Variants in TTC7B observed in about 807,000 individuals in gnomAD.
The protein encoded by TTC7B is tetratricopeptide repeat domain 7B.
Under a neutral mutation model 106.8 loss-of-function variants are expected in TTC7B, and 28 were observed. The observed-to-expected ratio is 0.26, with a 90% confidence interval of 0.19 to 0.36. The LOEUF (loss-of-function observed/expected upper bound fraction) is 0.36. Ranked by LOEUF, TTC7B falls within the 10% of genes least tolerant of loss-of-function variation. The pLI is 1.00. For synonymous variants in TTC7B, 405 were observed against 430.6 expected (o/e 0.94, Z 0.74); for missense variants, 862 against 1,076.4 (o/e 0.80, Z 2.79).
intron 19 of TTC7B, among the ~76,000 whole-genome samples, chr14:90,564,252 C>A (rs966946164): frequency 6.6e-6 from 1 of 152,066 alleles, no homozygotes; most frequent in Non-Finnish European, 1.5e-5. Context: ...TCTTGGGTAA[C>A]CAAGTACATT....
chr14:90,696,580 C>A (rs986939212), intron 5 of TTC7B, among the ~76,000 whole-genome samples: 2 of 152,194 alleles, frequency 1.3e-5, no homozygotes, highest in Non-Finnish European at 2.9e-5. Context: ...GATATTAAAT[C>A]AAACTGAATG....
chr14:90,610,680 T>C (rs1892833415), intron 17 of TTC7B, 62 bp downstream of exon 17: 1 of 1,232,568 alleles, frequency 8.1e-7, no homozygotes, highest in Non-Finnish European at 1.2e-6. Flanking sequence ...CCATGTCACT[T>C]GGTCCCAGGC....
chr14:90,687,289 CG>C (rs1566836462), intron 7 of TTC7B, among the ~76,000 whole-genome samples: 2 of 152,204 alleles, frequency 1.3e-5, no homozygotes, highest in African/African-American at 4.8e-5. Flanking sequence ...AGTGCTACTA[CG>C]GGAATGCTCC....
rs377194501 is a variant in TTC7B, at chr14:90,757,608, G to C, written c.446-12686C>G. 2.6e-5 allele frequency among the ~76,000 whole-genome samples: 4 copies of C among 152,168 alleles called. No homozygotes were observed. Among genetic ancestry groups the C allele is most frequent in the Admixed American group, 6.5e-5 (1 of 15,286 alleles). ...ATCCAATGAGCTTACTACCACAGCAGGTCCACAGCAGTTGCCACACAGCTC... is the reference window on the plus strand; with the variant it reads ...ATCCAATGAGCTTACTACCACAGCACGTCCACAGCAGTTGCCACACAGCTC... On this transcript the variant is annotated intron_variant, in intron 3 of 19. Coordinates refer to ENST00000328459, the MANE Select transcript of TTC7B (RefSeq NM_001010854.2). The surrounding 1 kb of genome is among the most constrained non-coding windows in gnomAD (Gnocchi z 4.1).
rs1025238496 is a variant in TTC7B at position 90,742,322 on chromosome 14, T to TTC, written c.576+2468_576+2469dup. ...CTCCCTCCCTCCTTTCTCTTTCTCT[T>TTC]TCTCTCTCTCTCTCTTTCTCTCTTC... On this transcript the variant is annotated intron_variant, in intron 4 of 19. Coordinates refer to ENST00000328459, the MANE Select transcript of TTC7B (RefSeq NM_001010854.2). This position sits in a 1 kb window ranked among gnomAD's most constrained non-coding sequence, Gnocchi z 4.1. Among the ~76,000 whole-genome samples the TTC allele has an allele frequency of 7.9e-5, 12 of 150,966 alleles. No individual in the cohort carries two copies. The highest frequency in any genetic ancestry group is 2.7e-4 in the African/African-American group (11 of 41,046).
At position 90,577,478 on chromosome 14, in the gene TTC7B, G is replaced by A. The variant is rs1030427054; in HGVS notation, c.2310+628C>T. Among the ~76,000 whole-genome samples the A allele has an allele frequency of 3.3e-5, 5 of 152,206 alleles. No individual in the cohort carries two copies. In the South Asian group the frequency reaches 8.3e-4, roughly 25 times the overall value. On this transcript the variant is annotated intron_variant, in intron 19 of 19. Coordinates refer to ENST00000328459, the MANE Select transcript of TTC7B (RefSeq NM_001010854.2). This position sits in a 1 kb window ranked among gnomAD's most constrained non-coding sequence, Gnocchi z 5.0. ...GGGTGGGAGCAGCAGGGCAACCCCAGGCTTTTGGCCCAGGCTGTAGACGAA... is the reference window on the plus strand; with the variant it reads ...GGGTGGGAGCAGCAGGGCAACCCCAAGCTTTTGGCCCAGGCTGTAGACGAA...
At position 90,758,259 on chromosome 14, in the gene TTC7B, GC is replaced by G. The variant is rs552351758; in HGVS notation, c.446-13338del. On this transcript the variant is annotated intron_variant, in intron 3 of 19. Coordinates refer to ENST00000328459, the MANE Select transcript of TTC7B (RefSeq NM_001010854.2). ...GGGCACCACTGTCCCGGTGGCCGCGGCAGGAACCAGTCCTGCAGTCCTGCGG... is the reference window on the plus strand; with the variant it reads ...GGGCACCACTGTCCCGGTGGCCGCGGAGGAACCAGTCCTGCAGTCCTGCGG... Among the ~76,000 whole-genome samples the G allele has an allele frequency of 1.0e-2, 1,497 of 150,320 alleles. 7 individuals are homozygous for G. The highest frequency in any genetic ancestry group is 0.016 in the Non-Finnish European group (1,065 of 67,584).
At chr14:90,758,318 C>T (rs1295422809) in intron 3 of TTC7B, among the ~76,000 whole-genome samples, 1 of 139,494 alleles carries the variant, frequency 7.2e-6, no homozygotes, top group Admixed American at 7.6e-5. Context: ...GCACTGGCTC[C>T]AGGACGGCGG....
intron 5 of TTC7B, among the ~76,000 whole-genome samples, chr14:90,713,506 T>C (rs1888527753): frequency 6.6e-6 from 1 of 152,220 alleles, no homozygotes; most frequent in Non-Finnish European, 1.5e-5. Context: ...ATACTACTGA[T>C]ACTACTACAA....
intron 9 of TTC7B, among the ~76,000 whole-genome samples, chr14:90,668,827 CTTTTTTTTTT>C (rs11291974): frequency 1.9e-4 from 17 of 88,536 alleles, no homozygotes; most frequent in South Asian, 1.4e-3. Context: ...AAAATTTCAA[CTTTTTTTTTT>C]TTTTTTTTTT....
chr14:90,595,805 A>G (rs1892177948), intron 17 of TTC7B, among the ~76,000 whole-genome samples: 1 of 152,204 alleles, frequency 6.6e-6, no homozygotes, highest in South Asian at 2.1e-4. Context: ...ATCTTTGTTA[A>G]TCACCCCAAG....
chr14:90,703,103 C>T (rs1888060988), intron 5 of TTC7B, among the ~76,000 whole-genome samples: 1 of 152,198 alleles, frequency 6.6e-6, no homozygotes, highest in Admixed American at 6.5e-5. Flanking sequence ...GTGTCTGCTC[C>T]AGACCTGGCC....
chr14:90,791,898 T>C, intron 1 of TTC7B, among the ~76,000 whole-genome samples: 1 of 152,024 alleles, frequency 6.6e-6, no homozygotes, highest in East Asian at 1.9e-4. Flanking sequence ...TCTAAGTCAC[T>C]GTGATCTTTG....
chr14:90,813,262 A>G (rs1405677712), intron 1 of TTC7B, among the ~76,000 whole-genome samples: 9 of 152,082 alleles, frequency 5.9e-5, no homozygotes, highest in African/African-American at 2.2e-4. Context: ...TTTCTCTTTG[A>G]TAGCACTGAC....
At chr14:90,617,207 A>G (rs1197952161) in intron 16 of TTC7B, among the ~76,000 whole-genome samples, 1 of 152,220 alleles carries the variant, frequency 6.6e-6, no homozygotes, top group East Asian at 1.9e-4. Flanking sequence ...AACTGATAAT[A>G]AAGCAAGTGA....
chr14:90,550,938 G>C (rs1452342797), intron 19 of TTC7B, among the ~76,000 whole-genome samples: 1 of 152,166 alleles, frequency 6.6e-6, no homozygotes, highest in Non-Finnish European at 1.5e-5. Context: ...CATACTCAGA[G>C]CCTCCTCTCC....
intron 16 of TTC7B, among the ~76,000 whole-genome samples, chr14:90,616,635 T>A (rs1177527737): frequency 6.6e-6 from 1 of 152,206 alleles, no homozygotes; most frequent in Admixed American, 6.5e-5. Context: ...GTCACGGGTC[T>A]GTCTATCAGT....
At chr14:90,599,327 C>T (rs1431229502) in intron 17 of TTC7B, among the ~76,000 whole-genome samples, 1 of 152,116 alleles carries the variant, frequency 6.6e-6, no homozygotes, top group Admixed American at 6.5e-5. Context: ...TCTGAAGGAC[C>T]CCTCGCCTTC....
chr14:90,731,047 G>A (rs541704989), intron 4 of TTC7B, among the ~76,000 whole-genome samples: 102 of 152,196 alleles, frequency 6.7e-4, no homozygotes, highest in Non-Finnish European at 9.0e-4. Flanking sequence ...CCGGGTTCAC[G>A]CCATTCTCCT....
Sources: allele counts gnomAD v4.1 joint callset (sites outside exome capture counted in the v4.1 genomes callset), GRCh38; gene constraint gnomAD v4.1.1; non-coding constraint Gnocchi (gnomAD v3.1); transcripts MANE v1.5; gene names NCBI Gene and HGNC (gene_info 2026-07-23, HGNC 2026-07-21).